The following NOVA1 variants were observed in gnomAD, a reference collection of about 807,000 sequenced individuals.
NOVA1 encodes RNA-binding protein Nova-1.
In NOVA1, 7 loss-of-function variants were observed where a neutral mutation model predicts 38.0. The ratio of observed to expected loss-of-function variants is 0.18; its 90% CI spans 0.10 to 0.35. The LOEUF is 0.35. NOVA1 is among the 10% of genes least tolerant of loss of function. NOVA1 has a pLI of 1.00. For missense variants in NOVA1, 460 were observed against 616.0 expected, an observed-to-expected ratio of 0.75 and a Z score of 2.68; for synonymous variants, 270 against 232.5, an observed-to-expected ratio of 1.16 and a Z score of -1.47.
At chr14:26,566,579 T>A (rs910825099) in intron 2 of NOVA1, among the ~76,000 whole-genome samples, 7 of 152,106 alleles carry the variant, frequency 4.6e-5, no homozygotes, top group Admixed American at 2.0e-4. Context: ...TTTCACTACA[T>A]CTTCCTTATC....
chr14:26,571,632 C>T (rs1462325821), intron 2 of NOVA1, among the ~76,000 whole-genome samples: 1 of 152,158 alleles, frequency 6.6e-6, no homozygotes, highest in Non-Finnish European at 1.5e-5. Flanking sequence ...ACAGAGTTAA[C>T]TAAGAATATC....
At chr14:26,470,329 C>T (rs1239532677) in intron 4 of NOVA1, 8 of 1,450,022 alleles carry the variant, frequency 5.5e-6, no homozygotes, top group Non-Finnish European at 7.5e-6. Flanking sequence ...TTCTGCCCTA[C>T]CACATGATTA....
At chr14:26,495,807 C>T (rs1250250973) in intron 2 of NOVA1, among the ~76,000 whole-genome samples, 1 of 143,426 alleles carries the variant, frequency 7.0e-6, no homozygotes, top group Admixed American at 7.3e-5. Context: ...TCATCCATGT[C>T]CCTACAAAGG....
chr14:26,506,726 C>T (rs1286131447), intron 2 of NOVA1, among the ~76,000 whole-genome samples: 4 of 152,014 alleles, frequency 2.6e-5, no homozygotes, highest in Non-Finnish European at 5.9e-5. Flanking sequence ...ACTACAGGCA[C>T]CTGCCACCAC....
chr14:26,484,962 C>T (rs1248557083), intron 2 of NOVA1, among the ~76,000 whole-genome samples: 3 of 150,758 alleles, frequency 2.0e-5, no homozygotes, highest in African/African-American at 7.3e-5. Context: ...AAAAAACGAA[C>T]AAACCCTGCC....
intron 4 of NOVA1, among the ~76,000 whole-genome samples, chr14:26,454,735 A>G (rs543699736): frequency 6.6e-6 from 1 of 152,160 alleles, no homozygotes; most frequent in Non-Finnish European, 1.5e-5. Flanking sequence ...ATTTCATTTT[A>G]TCTCTTAAAC....
chr14:26,466,605 TA>T (rs1320239797), intron 4 of NOVA1, among the ~76,000 whole-genome samples: 38 of 152,218 alleles, frequency 2.5e-4, no homozygotes, highest in Non-Finnish European at 1.0e-4. Flanking sequence ...TGAGGAATAA[TA>T]AAGATTAAGC....
chr14:26,461,700 G>A (rs933624003), intron 4 of NOVA1, among the ~76,000 whole-genome samples: 2 of 151,166 alleles, frequency 1.3e-5, no homozygotes, highest in African/African-American at 2.4e-5. Flanking sequence ...AGGCTGAGGC[G>A]GGCAGATCAC....
intron 2 of NOVA1, among the ~76,000 whole-genome samples, chr14:26,584,427 T>C (rs566453113): frequency 2.0e-5 from 3 of 151,698 alleles, no homozygotes; most frequent in Admixed American, 2.0e-4. Context: ...AGTACCACTG[T>C]CAGTCATTTT....
intron 2 of NOVA1, among the ~76,000 whole-genome samples, chr14:26,516,011 C>T (rs1306609932): frequency 6.6e-6 from 1 of 152,108 alleles, no homozygotes; most frequent in African/African-American, 2.4e-5. Flanking sequence ...CACTTCCAAT[C>T]CTTCCACCTG....
At chr14:26,452,948 A>G (rs1176947343) in intron 4 of NOVA1, among the ~76,000 whole-genome samples, 3 of 152,190 alleles carry the variant, frequency 2.0e-5, no homozygotes, top group African/African-American at 7.2e-5. Context: ...AGGGTGCTGC[A>G]CAGAAGTATA....
At chr14:26,452,770 T>G (rs1420202137) in intron 4 of NOVA1, among the ~76,000 whole-genome samples, 1 of 152,196 alleles carries the variant, frequency 6.6e-6, no homozygotes, top group Non-Finnish European at 1.5e-5. Flanking sequence ...CCCTTCAGAG[T>G]TATGATTATA....
rs1881861811 is a variant in NOVA1 at position 26,443,714 on chromosome 14, A to G, written c.*4245T>C. 1 of 152,062 alleles carries G rather than the reference A, an allele frequency of 6.6e-6. No homozygotes were observed. Among genetic ancestry groups the G allele is most frequent in the African/African-American group, 2.4e-5 (1 of 41,358 alleles). 9.4% of individuals were successfully genotyped at this position (152,062 alleles called of 1,614,324 possible). ...ATATTATGTATTCATGTTTATGAGA[A>G]ACCAAGCAGAAGGCAAAATGAGTTC... On this transcript the variant is annotated 3_prime_UTR_variant, in exon 5 of 5. Coordinates refer to ENST00000539517, the MANE Select transcript of NOVA1 (RefSeq NM_002515.3).
intron 2 of NOVA1, among the ~76,000 whole-genome samples, chr14:26,482,299 A>T (rs907276447): frequency 6.6e-6 from 1 of 152,182 alleles, no homozygotes; most frequent in African/African-American, 2.4e-5. Flanking sequence ...TTAACATAAA[A>T]AAAGGAAAGA....
At chr14:26,474,106 G>A (rs557061169) in intron 3 of NOVA1, among the ~76,000 whole-genome samples, 2 of 152,032 alleles carry the variant, frequency 1.3e-5, no homozygotes, top group South Asian at 4.2e-4. Flanking sequence ...ATACCTGGGA[G>A]GAGTTAACAT....
chr14:26,570,549 A>G (rs544648498), intron 2 of NOVA1, among the ~76,000 whole-genome samples: 2 of 151,800 alleles, frequency 1.3e-5, no homozygotes, highest in East Asian at 3.9e-4. Context: ...TATATAACAC[A>G]TTTGTATATG....
chr14:26,497,064 A>C (rs1189955862), intron 2 of NOVA1, among the ~76,000 whole-genome samples: 1 of 152,154 alleles, frequency 6.6e-6, no homozygotes, highest in Non-Finnish European at 1.5e-5. Context: ...GATGGCACTG[A>C]ATCTATATAA....
intron 2 of NOVA1, among the ~76,000 whole-genome samples, chr14:26,524,909 T>C (rs1423693838): frequency 6.6e-6 from 1 of 152,196 alleles, no homozygotes; most frequent in Non-Finnish European, 1.5e-5. Flanking sequence ...TGGGTAGCAG[T>C]TTTGTAATTA....
Position 26,444,583 on chromosome 14 carries a change from C to G in NOVA1, c.*3376G>C, listed in dbSNP as rs1379614213. 2.0e-5 allele frequency: 3 copies of G among 151,856 alleles called. No homozygotes were observed. Among genetic ancestry groups the G allele is most frequent in the African/African-American group, 7.3e-5 (3 of 41,350 alleles). 9.4% of individuals were successfully genotyped at this position (151,856 alleles called of 1,614,324 possible). A position where few individuals can be genotyped will look rare whatever the true frequency, so the allele number is the denominator to read the frequency against. ...TTGTAAGCAATGAGTCGAAATGAGCCGTTACAGGTTAGAATTTATCTTTGT... is the reference window on the plus strand; with the variant it reads ...TTGTAAGCAATGAGTCGAAATGAGCGGTTACAGGTTAGAATTTATCTTTGT... On this transcript the variant is annotated 3_prime_UTR_variant, in exon 5 of 5. Transcript: ENST00000539517.
Sources: allele counts gnomAD v4.1 joint callset (sites outside exome capture counted in the v4.1 genomes callset), GRCh38; gene constraint gnomAD v4.1.1; transcripts MANE v1.5; gene names NCBI Gene and HGNC (gene_info 2026-07-23, HGNC 2026-07-21).